CACNA2D1: variants seen among roughly 807,000 people sequenced by gnomAD.
The protein encoded by CACNA2D1 is calcium voltage-gated channel auxiliary subunit alpha2delta 1, also known as voltage-dependent calcium channel subunit alpha-2/delta-1.
In CACNA2D1, 53 loss-of-function variants were observed where a neutral mutation model predicts 171.5. The ratio of observed to expected loss-of-function variants is 0.31; its 90% CI spans 0.25 to 0.39. The LOEUF is 0.39. CACNA2D1 is among the 10% of genes least tolerant of loss of function. The probability of loss-of-function intolerance (pLI) is 1.00; values close to 1 mark genes in which losing one functional copy is unlikely to be tolerated. For synonymous variants in CACNA2D1, 442 were observed against 443.1 expected (o/e 1.00, Z 0.03); for missense variants, 903 against 1,299.8 (o/e 0.69, Z 4.69).
At chr7:82,234,320 A>G (rs1366126890) in intron 3 of CACNA2D1, among the ~76,000 whole-genome samples, 1 of 152,090 alleles carries the variant, frequency 6.6e-6, no homozygotes, top group Admixed American at 6.6e-5. Context: ...TAAATATTAG[A>G]TTATTTATAA....
intron 4 of CACNA2D1, among the ~76,000 whole-genome samples, chr7:82,153,387 T>A (rs1794047602): frequency 6.6e-6 from 1 of 151,826 alleles, no homozygotes; most frequent in Non-Finnish European, 1.5e-5. Context: ...ATATGATTAA[T>A]AAAATATTTT....
At position 82,111,731 on chromosome 7, in the gene CACNA2D1, G is replaced by A. The variant is rs187090941; in HGVS notation, c.526+5313C>T. Among the ~76,000 whole-genome samples, 232 of 151,858 alleles carry A rather than the reference G, an allele frequency of 1.5e-3. 3 individuals are homozygous for A. The highest frequency in any genetic ancestry group is 0.015 in the East Asian group (76 of 5,142). ...CCCAAAGTGCTGGGATTACAGGCAT[G>A]AGCCACCACACCAGGAGGAGCTTTC... On this transcript the variant is annotated intron_variant, in intron 6 of 38. Coordinates refer to ENST00000356860, the MANE Select transcript of CACNA2D1 (RefSeq NM_000722.4).
intron 6 of CACNA2D1, among the ~76,000 whole-genome samples, chr7:82,116,387 T>G (rs1023178167): frequency 3.9e-5 from 6 of 151,966 alleles, no homozygotes; most frequent in African/African-American, 1.5e-4. Flanking sequence ...CCGCCACTAT[T>G]TTCCTAAACA....
chr7:82,357,871 A>G (rs554379059), intron 1 of CACNA2D1, among the ~76,000 whole-genome samples: 21 of 152,120 alleles, frequency 1.4e-4, no homozygotes, highest in Admixed American at 2.6e-4. Context: ...TAAAAAAAAA[A>G]AAAAGAGGGC....
intron 3 of CACNA2D1, among the ~76,000 whole-genome samples, chr7:82,219,356 T>C (rs1425041112): frequency 1.3e-5 from 2 of 152,264 alleles, no homozygotes; most frequent in Admixed American, 6.5e-5. Flanking sequence ...TAATTGGTTC[T>C]ACATAATTTT....
At chr7:82,384,778 A>G (rs779493434) in intron 1 of CACNA2D1, among the ~76,000 whole-genome samples, 23 of 152,352 alleles carry the variant, frequency 1.5e-4, no homozygotes, top group Non-Finnish European at 3.1e-4. Context: ...GGCACTTTTC[A>G]TGTAATTTGA....
intron 2 of CACNA2D1, among the ~76,000 whole-genome samples, chr7:82,339,142 G>C (rs550572381): frequency 6.6e-6 from 1 of 152,310 alleles, no homozygotes; most frequent in Admixed American, 6.5e-5. Context: ...TATAGAAAAA[G>C]AGTTAGAACT....
intron 1 of CACNA2D1, among the ~76,000 whole-genome samples, chr7:82,353,706 C>T (rs1820103785): frequency 6.6e-6 from 1 of 151,984 alleles, no homozygotes; most frequent in South Asian, 2.1e-4. Context: ...AGTATACAGT[C>T]ATCAAATAAG....
intron 2 of CACNA2D1, among the ~76,000 whole-genome samples, chr7:82,336,844 T>A (rs1585552072): frequency 1.3e-5 from 2 of 152,268 alleles, no homozygotes; most frequent in Middle Eastern, 6.8e-3. Flanking sequence ...TGGTGTGAAA[T>A]GTAGTGTGCA....
At chr7:82,349,102 T>A (rs1256516365) in intron 2 of CACNA2D1, among the ~76,000 whole-genome samples, 1 of 152,162 alleles carries the variant, frequency 6.6e-6, no homozygotes, top group Non-Finnish European at 1.5e-5. Flanking sequence ...TCAGTGACTA[T>A]CTCTAATCTC....
chr7:82,155,175 G>A (rs1794254144), intron 4 of CACNA2D1, among the ~76,000 whole-genome samples: 1 of 152,058 alleles, frequency 6.6e-6, no homozygotes, highest in South Asian at 2.1e-4. Context: ...TCAGCATTAT[G>A]CTTGCTGTAC....
At chr7:82,226,752 C>T (rs1802407175) in intron 3 of CACNA2D1, among the ~76,000 whole-genome samples, 1 of 152,152 alleles carries the variant, frequency 6.6e-6, no homozygotes, top group Non-Finnish European at 1.5e-5. Context: ...TAGAAAGTAT[C>T]TTAGCGACTG....
chr7:82,092,820 A>G (rs1811372036), intron 6 of CACNA2D1, among the ~76,000 whole-genome samples: 1 of 152,106 alleles, frequency 6.6e-6, no homozygotes, highest in South Asian at 2.1e-4. Flanking sequence ...CTCTCGGTAA[A>G]TGAAAACAAC....
chr7:82,395,021 T>C (rs1334805736), intron 1 of CACNA2D1, among the ~76,000 whole-genome samples: 1 of 152,178 alleles, frequency 6.6e-6, no homozygotes, highest in Non-Finnish European at 1.5e-5. Flanking sequence ...TTTCCCATAT[T>C]TGTTAGTTGC....
intron 5 of CACNA2D1, among the ~76,000 whole-genome samples, chr7:82,125,073 T>A (rs1584836172): frequency 6.6e-6 from 1 of 152,226 alleles, no homozygotes; most frequent in Non-Finnish European, 1.5e-5. Flanking sequence ...TAGGAGATTA[T>A]GTTGGAATTA....
chr7:81,972,920 AT>A (rs1170041994), intron 25 of CACNA2D1, among the ~76,000 whole-genome samples: 1 of 152,014 alleles, frequency 6.6e-6, no homozygotes, highest in Non-Finnish European at 1.5e-5. Flanking sequence ...TTTGGAGTAC[AT>A]TTTAATTCAT....
intron 5 of CACNA2D1, among the ~76,000 whole-genome samples, chr7:82,120,217 G>T (rs950873462): frequency 3.3e-5 from 5 of 152,130 alleles, no homozygotes; most frequent in African/African-American, 1.2e-4. Context: ...GTGCATGTGT[G>T]TAGGATCCTG....
chr7:82,398,630 T>A (rs1825999481), intron 1 of CACNA2D1, among the ~76,000 whole-genome samples: 1 of 151,638 alleles, frequency 6.6e-6, no homozygotes, highest in African/African-American at 2.4e-5. Context: ...CAGGCTGAAG[T>A]GCAATGGCAT....
intron 10 of CACNA2D1, among the ~76,000 whole-genome samples, chr7:82,043,886 C>G (rs1804241250): frequency 6.6e-6 from 1 of 152,086 alleles, no homozygotes. Context: ...CTTGGAGTAC[C>G]AAGTCTTCCT....
Sources: gnomAD v4.1 joint callset for allele counts (sites outside exome capture counted in the v4.1 genomes callset) on GRCh38, gnomAD v4.1.1 for gene constraint, MANE v1.5 for transcripts, NCBI Gene and HGNC (gene_info 2026-07-23, HGNC 2026-07-21) for gene names.